LRP1B: variants seen among roughly 807,000 people sequenced by gnomAD.
The protein encoded by LRP1B is low-density lipoprotein receptor-related protein 1B.
In LRP1B, 217 loss-of-function variants were observed where a neutral mutation model predicts 556.6. The observed-to-expected ratio is 0.39, with a 90% CI of 0.35 to 0.44. The LOEUF (loss-of-function observed/expected upper bound fraction) is 0.44, where lower values mean the gene tolerates loss of function less well. Among genes scored for constraint, LRP1B ranks in the 20% least tolerant of loss-of-function variants. The pLI is 1.00. For synonymous variants in LRP1B, 2,047 were observed against 1,865.8 expected (o/e 1.10, Z -2.50); for missense variants, 5,053 against 5,620.8 (o/e 0.90, Z 3.23).
chr2:140,563,070 GT>G (rs1413759047), intron 43 of LRP1B, among the ~76,000 whole-genome samples: 3 of 152,054 alleles, frequency 2.0e-5, no homozygotes, highest in Non-Finnish European at 4.4e-5. Context: ...AGTGTTAAAT[GT>G]TTTCTTAAAT....
At chr2:141,257,118 A>G (rs923356452) in intron 3 of LRP1B, among the ~76,000 whole-genome samples, 12 of 152,134 alleles carry the variant, frequency 7.9e-5, no homozygotes, top group African/African-American at 2.7e-4. Flanking sequence ...AGAAATAAAC[A>G]TGGATGAAGC....
intron 55 of LRP1B, among the ~76,000 whole-genome samples, chr2:140,500,517 G>A (rs1689138270): frequency 6.6e-6 from 1 of 151,944 alleles, no homozygotes; most frequent in Admixed American, 6.6e-5. Flanking sequence ...CATTGGTGAT[G>A]TGTGAGGTGG....
At chr2:140,963,113 C>T (rs1387380603) in intron 18 of LRP1B, among the ~76,000 whole-genome samples, 1 of 152,130 alleles carries the variant, frequency 6.6e-6, no homozygotes, top group Admixed American at 6.5e-5. Context: ...CATATAGCTT[C>T]TGTTTTTAAA....
Position 140,867,582 on chromosome 2 carries a change from G to C in LRP1B, c.4579+8C>G, listed in dbSNP as rs768362790. On this transcript the variant is annotated splice_region_variant and intron_variant, in intron 27 of 90. Coordinates refer to ENST00000389484, the MANE Select transcript of LRP1B (RefSeq NM_018557.3). Reference sequence around the variant, plus strand: ...GGGTGGTTAATCCATAAGTGAACAAGCACTTACCCTGTGGCTGGCGACTGG... The same window carrying C: ...GGGTGGTTAATCCATAAGTGAACAACCACTTACCCTGTGGCTGGCGACTGG... 1 of 1,609,258 alleles carries C rather than the reference G, an allele frequency of 6.2e-7. No individual in the cohort carries two copies. Among genetic ancestry groups the C allele is most frequent in the Non-Finnish European group, 8.5e-7 (1 of 1,177,246 alleles).
chr2:140,601,724 T>C, intron 41 of LRP1B, 85 bp from the exon 42 acceptor site: 4 of 752,946 alleles, frequency 5.3e-6, no homozygotes, highest in Non-Finnish European at 7.9e-6. Flanking sequence ...AAGACATACA[T>C]GTATACCTGT....
intron 59 of LRP1B, among the ~76,000 whole-genome samples, chr2:140,482,933 A>G (rs534947891): frequency 6.6e-6 from 1 of 152,270 alleles, no homozygotes; most frequent in South Asian, 2.1e-4. Context: ...CATTTCTATT[A>G]ATCTTAAATT....
chr2:141,721,736 T>C (rs1692822087), intron 2 of LRP1B, among the ~76,000 whole-genome samples: 1 of 152,204 alleles, frequency 6.6e-6, no homozygotes, highest in Non-Finnish European at 1.5e-5. Flanking sequence ...GTGCAAACAC[T>C]GAACTGATCT....
intron 2 of LRP1B, among the ~76,000 whole-genome samples, chr2:141,809,316 T>C (rs1696261884): frequency 6.6e-6 from 1 of 152,072 alleles, no homozygotes; most frequent in South Asian, 2.1e-4. Flanking sequence ...AATGGAAAGA[T>C]GAAAATGGAA....
At chr2:141,170,100 A>G (rs1196110655) in intron 7 of LRP1B, among the ~76,000 whole-genome samples, 1 of 152,118 alleles carries the variant, frequency 6.6e-6, no homozygotes, top group Non-Finnish European at 1.5e-5. Flanking sequence ...AGTGACAGGA[A>G]ATGATAGATA....
At chr2:140,448,263 C>A (rs1049519240) in intron 63 of LRP1B, among the ~76,000 whole-genome samples, 4 of 151,974 alleles carry the variant, frequency 2.6e-5, no homozygotes, top group African/African-American at 9.7e-5. Context: ...GCCTGTATAT[C>A]CAAAGGAAAT....
rs185129471 is a variant in LRP1B at position 141,444,643 on chromosome 2, T to C, written c.343+35753A>G. Among the ~76,000 whole-genome samples the C allele has an allele frequency of 7.9e-5, 12 of 152,348 alleles. No homozygotes were observed. The East Asian group carries it at 1.9e-3, about 25-fold the overall frequency. ...TGAGAGTTTTTAGTATGAAGGTGTGTTGAATTTTATCAAAGGCCTTTTCTG... is the reference window on the plus strand; with the variant it reads ...TGAGAGTTTTTAGTATGAAGGTGTGCTGAATTTTATCAAAGGCCTTTTCTG... On this transcript the variant is annotated intron_variant, in intron 3 of 90. Coordinates refer to ENST00000389484, the MANE Select transcript of LRP1B (RefSeq NM_018557.3).
intron 17 of LRP1B, among the ~76,000 whole-genome samples, chr2:140,983,699 C>A (rs1444112477): frequency 6.6e-6 from 1 of 151,994 alleles, no homozygotes; most frequent in Non-Finnish European, 1.5e-5. Flanking sequence ...TGGTTTGATA[C>A]ATTAGATTGT....
At chr2:140,324,123 A>C in intron 80 of LRP1B, 57 bp from the exon 81 acceptor site, 1 of 1,066,914 alleles carries the variant, frequency 9.4e-7, no homozygotes, top group Non-Finnish European at 1.4e-6. Flanking sequence ...AGACTTTAAA[A>C]ACTATGTTTA....
At chr2:141,954,123 A>G (rs1177072187) in intron 1 of LRP1B, among the ~76,000 whole-genome samples, 2 of 152,200 alleles carry the variant, frequency 1.3e-5, no homozygotes, top group South Asian at 4.1e-4. Flanking sequence ...CCCAGCATCT[A>G]TTTCCAGGCA....
chr2:141,596,448 G>A (rs1220200952), intron 2 of LRP1B, among the ~76,000 whole-genome samples: 2 of 151,968 alleles, frequency 1.3e-5, no homozygotes, highest in Admixed American at 6.6e-5. Flanking sequence ...AGAGAAATTT[G>A]GACAGATGAG....
intron 3 of LRP1B, among the ~76,000 whole-genome samples, chr2:141,464,427 T>G (rs561802007): frequency 3.3e-5 from 5 of 151,308 alleles, no homozygotes; most frequent in Admixed American, 1.3e-4. Context: ...GACTTTTTTT[T>G]TTTGAGACGG....
At chr2:140,629,172 G>A (rs1311035543) in intron 41 of LRP1B, among the ~76,000 whole-genome samples, 1 of 151,550 alleles carries the variant, frequency 6.6e-6, no homozygotes, top group African/African-American at 2.4e-5. Context: ...TTGTGCTTCA[G>A]CCTCCTGGGT....
chr2:140,652,610 G>A (rs900979625), intron 41 of LRP1B, among the ~76,000 whole-genome samples: 11 of 152,002 alleles, frequency 7.2e-5, no homozygotes, highest in African/African-American at 2.7e-4. Flanking sequence ...AGAAATTTGT[G>A]TTATAAATTT....
chr2:141,234,190 A>C (rs1353642048), intron 5 of LRP1B, among the ~76,000 whole-genome samples: 1 of 151,968 alleles, frequency 6.6e-6, no homozygotes, highest in Non-Finnish European at 1.5e-5. Flanking sequence ...TTTCAGATTT[A>C]CTCTTATTTT....
Sources: allele counts gnomAD v4.1 joint callset (sites outside exome capture counted in the v4.1 genomes callset), GRCh38; gene constraint gnomAD v4.1.1; transcripts MANE v1.5; gene names NCBI Gene and HGNC (gene_info 2026-07-23, HGNC 2026-07-21).